The following DCLK3 variants were observed in gnomAD, a reference collection of about 807,000 sequenced individuals.
The protein encoded by DCLK3 is doublecortin like kinase 3, also known as serine/threonine-protein kinase DCLK3.
DCLK3 carries 30 observed loss-of-function variants against 46.4 expected under a neutral mutation model. The ratio of observed to expected loss-of-function variants is 0.65; its 90% CI spans 0.48 to 0.88. DCLK3 has a LOEUF of 0.88. Among genes scored for constraint, DCLK3 ranks in the 40% least tolerant of loss-of-function variants. The pLI, the probability that DCLK3 is intolerant of heterozygous loss-of-function variation, is 0.00. For synonymous variants in DCLK3, 401 were observed against 339.2 expected, an observed-to-expected ratio of 1.18 and a Z score of -2.00; for missense variants, 846 against 907.1, an observed-to-expected ratio of 0.93 and a Z score of 0.87.
At position 36,713,002 on chromosome 3, in the gene DCLK3, A is replaced by T. The variant is rs950367935; in HGVS notation, c.*2326T>A. 6.6e-5 allele frequency: 10 copies of T among 152,246 alleles called. No homozygotes were observed. The highest frequency in any genetic ancestry group is 2.4e-4 in the African/African-American group (10 of 41,466). 9.4% of individuals were successfully genotyped at this position (152,246 alleles called of 1,614,324 possible). On this transcript the variant is annotated 3_prime_UTR_variant, in exon 5 of 5. Coordinates refer to ENST00000636136, the MANE Select transcript of DCLK3 (RefSeq NM_001394672.2). The stretch of plus-strand genomic sequence containing the variant: ...ATGTTTAACTTTTAAAGGAACTACC[A>T]AACCATTCTCCAAAGGAGAAGTCCC...
Position 36,738,282 on chromosome 3 carries a change from C to G in DCLK3, c.885G>C (p.Gly295=). 1 of 1,528,582 alleles carries G rather than the reference C, an allele frequency of 6.5e-7. No individual in the cohort carries two copies. The highest frequency in any genetic ancestry group is 8.8e-7 in the Non-Finnish European group (1 of 1,140,618). The allele number at this position is 1,528,582 out of a possible 1,614,324, so 94.7% of individuals were successfully genotyped here. A position where few individuals can be genotyped will look rare whatever the true frequency, so the allele number is the denominator to read the frequency against. Residue 295 remains glycine, a synonymous_variant, in exon 2 of 5, where the codon GGG becomes GGC. Transcript: ENST00000636136. ...CACCCGAGGTCTTTTCAATCTCCAC[C>G]CCAAGATGCTTCTCTCCCCTTGCGT... The part of the protein sequence containing the change: ...ERHARGEKHL[G]VEIEKTSGEI...
intron 1 of DCLK3, among the ~76,000 whole-genome samples, chr3:36,743,619 T>C (rs1443531434): frequency 6.6e-6 from 1 of 152,344 alleles, no homozygotes; most frequent in East Asian, 1.9e-4. Context: ...TGACCTGGAC[T>C]TGACAAAACT....
chr3:36,733,390 C>T (rs1052480128), intron 2 of DCLK3, among the ~76,000 whole-genome samples: 1 of 152,172 alleles, frequency 6.6e-6, no homozygotes, highest in Non-Finnish European at 1.5e-5. Flanking sequence ...CTCAAATGAC[C>T]GTGCTCAATG....
chr3:36,715,207 T>C lies in DCLK3; in HGVS notation c.*121A>G, dbSNP rs1700959929. ...AATATGCTTTAAAATATACTCAGTG[T>C]CTCTCCCTCTGATTCACCAATTATG... On this transcript the variant is annotated 3_prime_UTR_variant, in exon 5 of 5. Coordinates refer to ENST00000636136, the MANE Select transcript of DCLK3 (RefSeq NM_001394672.2). 1.3e-5 allele frequency: 14 copies of C among 1,082,624 alleles called. No homozygotes were observed. In the South Asian group the frequency reaches 2.4e-4, roughly 19 times the overall value. The allele number at this position is 1,082,624 out of a possible 1,614,324, so 67.1% of individuals were successfully genotyped here.
intron 1 of DCLK3, among the ~76,000 whole-genome samples, chr3:36,742,490 A>G (rs1363650955): frequency 6.6e-6 from 1 of 152,172 alleles, no homozygotes; most frequent in Non-Finnish European, 1.5e-5. Context: ...CATCACACCA[A>G]CATCAGACAT....
In DCLK3 at chr3:36,716,754, G is replaced by A. The variant is rs181264281; in HGVS notation, c.2261-1233C>T. On this transcript the variant is annotated intron_variant, in intron 4 of 4. Transcript: ENST00000636136. Reference sequence around the variant, plus strand: ...ATCTAGAAGAGGGGACCTGGGCTCTGGGGGCACATCCCCTAGGCCCCATAC... The same window carrying A: ...ATCTAGAAGAGGGGACCTGGGCTCTAGGGGCACATCCCCTAGGCCCCATAC... Among the ~76,000 whole-genome samples, 8 of 152,364 alleles carry A rather than the reference G, an allele frequency of 5.3e-5. No individual in the cohort carries two copies. In the East Asian group the frequency reaches 1.4e-3, roughly 26 times the overall value.
chr3:36,753,931 C>G (rs181400429), intron 1 of DCLK3, among the ~76,000 whole-genome samples: 2 of 152,278 alleles, frequency 1.3e-5, no homozygotes, highest in Admixed American at 1.3e-4. Flanking sequence ...TCTCGCGCCT[C>G]GGCCTCCCAA....
intron 4 of DCLK3, among the ~76,000 whole-genome samples, chr3:36,715,724 G>A (rs1178224718): frequency 6.6e-6 from 1 of 152,210 alleles, no homozygotes; most frequent in African/African-American, 2.4e-5. Context: ...TTGAGCATTT[G>A]AAATCTGGCG....
chr3:36,727,778 C>T (rs1035394884), intron 2 of DCLK3, among the ~76,000 whole-genome samples: 18 of 152,176 alleles, frequency 1.2e-4, no homozygotes, highest in African/African-American at 3.9e-4. Context: ...ATTTAATATT[C>T]TTCAGTGTTG....
chr3:36,726,220 C>T (rs896370741), intron 2 of DCLK3, among the ~76,000 whole-genome samples: 1 of 152,062 alleles, frequency 6.6e-6, no homozygotes, highest in South Asian at 2.1e-4. Context: ...TAATCAGACA[C>T]AAGTCAATAC....
intron 1 of DCLK3, among the ~76,000 whole-genome samples, chr3:36,761,376 A>C (rs1213089884): frequency 6.6e-6 from 1 of 152,182 alleles, no homozygotes; most frequent in Non-Finnish European, 1.5e-5. Context: ...GACTTGCCCC[A>C]GGTCACCAGG....
At chr3:36,762,382 G>T (rs773127623) in intron 1 of DCLK3, among the ~76,000 whole-genome samples, 22 of 152,130 alleles carry the variant, frequency 1.4e-4, no homozygotes, top group Non-Finnish European at 2.4e-4. Context: ...AGTGTATTAG[G>T]AGATATTCCT....
intron 4 of DCLK3, among the ~76,000 whole-genome samples, chr3:36,717,730 A>T (rs1487429407): frequency 6.6e-6 from 1 of 152,210 alleles, no homozygotes; most frequent in Non-Finnish European, 1.5e-5. Context: ...AAGGGGAGTT[A>T]CAATGTTTCT....
chr3:36,734,343 A>G, intron 2 of DCLK3, among the ~76,000 whole-genome samples: 1 of 152,308 alleles, frequency 6.6e-6, no homozygotes, highest in Non-Finnish European at 1.5e-5. Context: ...ACCCAGAAAA[A>G]GGATAAACAT....
rs1272829453 is a variant in DCLK3 at position 36,712,887 on chromosome 3, C to T, written c.*2441G>A. ...CACTTTGGGGCTACTACAAATAAAG[C>T]ACCTATAAATATTGTGAAGTCTTCA... On this transcript the variant is annotated 3_prime_UTR_variant, in exon 5 of 5. Coordinates refer to ENST00000636136, the MANE Select transcript of DCLK3 (RefSeq NM_001394672.2). 1 of 152,186 alleles carries T rather than the reference C, an allele frequency of 6.6e-6. No homozygotes were observed. Among genetic ancestry groups the T allele is most frequent in the East Asian group, 1.9e-4 (1 of 5,188 alleles). 9.4% of individuals were successfully genotyped at this position (152,186 alleles called of 1,614,324 possible).
intron 1 of DCLK3, among the ~76,000 whole-genome samples, chr3:36,759,252 T>C (rs1701515762): frequency 6.6e-6 from 1 of 152,200 alleles, no homozygotes; most frequent in East Asian, 1.9e-4. Flanking sequence ...TGACTTTTTC[T>C]TCCATCCCAG....
chr3:36,758,785 C>T (rs1006445728), intron 1 of DCLK3, among the ~76,000 whole-genome samples: 3 of 152,186 alleles, frequency 2.0e-5, no homozygotes, highest in Non-Finnish European at 4.4e-5. Context: ...AATAACAAAT[C>T]AGGTTTAGTG....
chr3:36,752,524 A>G (rs1204922029), intron 1 of DCLK3, among the ~76,000 whole-genome samples: 2 of 152,246 alleles, frequency 1.3e-5, no homozygotes, highest in Non-Finnish European at 2.9e-5. Context: ...TTTAGAATTC[A>G]TAAGTAGAAG....
chr3:36,726,624 C>G (rs2125524671), intron 2 of DCLK3, among the ~76,000 whole-genome samples: 1 of 152,238 alleles, frequency 6.6e-6, no homozygotes, highest in Non-Finnish European at 1.5e-5. Context: ...TAAATTCTCC[C>G]CACTTGCTTT....
Sources: gnomAD v4.1 joint callset for allele counts (sites outside exome capture counted in the v4.1 genomes callset) on GRCh38, gnomAD v4.1.1 for gene constraint, MANE v1.5 for transcripts, NCBI Gene and HGNC (gene_info 2026-07-23, HGNC 2026-07-21) for gene names.